SARNP: variants seen among roughly 807,000 people sequenced by gnomAD.
The protein encoded by SARNP is SAP domain containing ribonucleoprotein.
A neutral mutation model predicts 38.1 loss-of-function variants in SARNP; 5 were observed. That is an observed-to-expected ratio of 0.13 (90% CI 0.07 to 0.28). The LOEUF (loss-of-function observed/expected upper bound fraction) is 0.28, where lower values mean the gene tolerates loss of function less well. SARNP is among the 10% of genes least tolerant of loss of function. The pLI, the probability that SARNP is intolerant of heterozygous loss-of-function variation, is 1.00. For synonymous variants in SARNP, 84 were observed against 80.6 expected, an observed-to-expected ratio of 1.04 and a Z score of -0.23; for missense variants, 180 against 243.9, an observed-to-expected ratio of 0.74 and a Z score of 1.75.
At chr12:55,785,949 T>C (rs749814779) in intron 9 of SARNP, among the ~76,000 whole-genome samples, 8 of 152,092 alleles carry the variant, frequency 5.3e-5, no homozygotes, top group Non-Finnish European at 1.0e-4. Flanking sequence ...CTGTATCCAA[T>C]TATTTACTCT....
intron 4 of SARNP, among the ~76,000 whole-genome samples, chr12:55,796,424 C>T (rs761853929): frequency 4.6e-5 from 7 of 152,164 alleles, no homozygotes; most frequent in Admixed American, 1.3e-4. Flanking sequence ...TTTTCTGAGA[C>T]GGAGTTTTGC....
At chr12:55,813,987 G>A (rs576287860) in intron 1 of SARNP, among the ~76,000 whole-genome samples, 8 of 152,306 alleles carry the variant, frequency 5.3e-5, no homozygotes, top group Non-Finnish European at 1.0e-4. Flanking sequence ...AATTAAATCA[G>A]TTAGTGTATG....
At chr12:55,807,310 A>AC (rs981979091) in intron 1 of SARNP, among the ~76,000 whole-genome samples, 1 of 152,208 alleles carries the variant, frequency 6.6e-6, no homozygotes, top group African/African-American at 2.4e-5. Context: ...TAGTTCATGG[A>AC]CCAGCACCCC....
chr12:55,766,739 C>T (rs1441530005), intron 9 of SARNP, among the ~76,000 whole-genome samples: 2 of 151,496 alleles, frequency 1.3e-5, no homozygotes, highest in Non-Finnish European at 2.9e-5. Flanking sequence ...CTTCTTACCT[C>T]AGCCTTCCAA....
At chr12:55,788,384 C>G (rs1235196075) in intron 9 of SARNP, among the ~76,000 whole-genome samples, 1 of 151,932 alleles carries the variant, frequency 6.6e-6, no homozygotes, top group Admixed American at 6.6e-5. Flanking sequence ...TACTTCTGAC[C>G]TAAAGACAAG....
intron 9 of SARNP, among the ~76,000 whole-genome samples, chr12:55,778,705 C>T (rs1338640780): frequency 6.6e-6 from 1 of 152,164 alleles, no homozygotes; most frequent in African/African-American, 2.4e-5. Context: ...GGTGTGGTAG[C>T]TCACGCCTGT....
intron 9 of SARNP, among the ~76,000 whole-genome samples, chr12:55,784,300 A>G (rs1879425576): frequency 6.6e-6 from 1 of 152,224 alleles, no homozygotes. Flanking sequence ...GGACAAAAGT[A>G]TGCTCATCTG....
intron 9 of SARNP, among the ~76,000 whole-genome samples, chr12:55,766,624 G>C (rs1352237377): frequency 3.8e-5 from 5 of 130,864 alleles, no homozygotes; most frequent in Admixed American, 3.1e-4. Flanking sequence ...GGCGGGGGGG[G>C]GGGGGGGGTT....
chr12:55,793,381 A>G (rs190086310), intron 7 of SARNP: 107 of 152,288 alleles, frequency 7.0e-4, no homozygotes, highest in African/African-American at 2.5e-3. Flanking sequence ...AAATCATTCA[A>G]AATTCCACCA....
chr12:55,777,862 G>A (rs1413106951), intron 9 of SARNP, among the ~76,000 whole-genome samples: 4 of 152,124 alleles, frequency 2.6e-5, no homozygotes, highest in Non-Finnish European at 4.4e-5. Flanking sequence ...ATTGTCTAGC[G>A]CCCTAGTTAG....
intron 1 of SARNP, among the ~76,000 whole-genome samples, chr12:55,813,638 C>T (rs889438414): frequency 1.3e-5 from 2 of 150,402 alleles, no homozygotes; most frequent in African/African-American, 4.9e-5. Context: ...TCCACCTACG[C>T]GGTTCAAGTG....
chr12:55,779,452 A>C (rs1171876849), intron 9 of SARNP, among the ~76,000 whole-genome samples: 2 of 152,358 alleles, frequency 1.3e-5, no homozygotes, highest in South Asian at 4.1e-4. Context: ...ATTTGAATAG[A>C]ACCCAAACTT....
intron 4 of SARNP, among the ~76,000 whole-genome samples, chr12:55,799,788 G>A (rs904056502): frequency 2.7e-5 from 4 of 150,746 alleles, no homozygotes; most frequent in Non-Finnish European, 5.9e-5. Flanking sequence ...TCCTGACCTC[G>A]TAATCCACCC....
intron 5 of SARNP, among the ~76,000 whole-genome samples, chr12:55,795,113 C>T (rs917434005): frequency 1.3e-5 from 2 of 152,160 alleles, no homozygotes; most frequent in Non-Finnish European, 2.9e-5. Context: ...GACTGTGCCA[C>T]TGTGCCCAGC....
chr12:55,757,664 G>A (rs1815898251), intron 10 of SARNP, 111 bp from the exon 11 acceptor site: 2 of 718,896 alleles, frequency 2.8e-6, no homozygotes, highest in South Asian at 1.9e-5. Context: ...CGAGAAGGAA[G>A]GATGGCCCAG....
At chr12:55,763,700 G>A (rs1269533208) in intron 9 of SARNP, among the ~76,000 whole-genome samples, 1 of 152,028 alleles carries the variant, frequency 6.6e-6, no homozygotes, top group African/African-American at 2.4e-5. Context: ...CAATCCTCTT[G>A]CCTCAGCCTC....
chr12:55,786,945 C>A (rs948713813), intron 9 of SARNP, among the ~76,000 whole-genome samples: 1 of 152,016 alleles, frequency 6.6e-6, no homozygotes, highest in Non-Finnish European at 1.5e-5. Flanking sequence ...AAAATGATAA[C>A]CCAGGCCAGG....
At chr12:55,771,294 T>C (rs998141732) in intron 9 of SARNP, among the ~76,000 whole-genome samples, 1 of 152,018 alleles carries the variant, frequency 6.6e-6, no homozygotes. Context: ...CCACTCCGGA[T>C]CATATAAAAA....
At chr12:55,809,812 A>T (rs1388334111) in intron 1 of SARNP, among the ~76,000 whole-genome samples, 10 of 152,194 alleles carry the variant, frequency 6.6e-5, no homozygotes, top group Admixed American at 6.5e-4. Flanking sequence ...AATGTAAAAA[A>T]TAATACACAC....
Sources: allele counts gnomAD v4.1 joint callset (sites outside exome capture counted in the v4.1 genomes callset), GRCh38; gene constraint gnomAD v4.1.1; transcripts MANE v1.5; gene names NCBI Gene and HGNC (gene_info 2026-07-23, HGNC 2026-07-21).